Variants in CSTPP1 observed in about 807,000 individuals in gnomAD.
The protein encoded by CSTPP1 is centriolar satellite-associated tubulin polyglutamylase complex regulator 1.
At chr11:47,157,207 G>T in the CSTPP1 span, 1 of 1,586,628 alleles carries the variant, frequency 6.3e-7, no homozygotes, top group Non-Finnish European at 8.6e-7. Context: ...TGTGTGATCG[G>T]CACAAGTACA....
the CSTPP1 span, among the ~76,000 whole-genome samples, chr11:47,067,130 A>G: frequency 6.6e-6 from 1 of 152,170 alleles, no homozygotes; most frequent in Non-Finnish European, 1.5e-5. Flanking sequence ...TTCAAATACT[A>G]ATAGATTTGT....
chr11:47,052,218 A>G, the CSTPP1 span: 1 of 778,850 alleles, frequency 1.3e-6, no homozygotes, highest in Non-Finnish European at 1.9e-6. Flanking sequence ...GTATGGTTAT[A>G]TGAAGAGACT....
chr11:47,157,261 G>A, the CSTPP1 span: 2 of 1,518,948 alleles, frequency 1.3e-6, no homozygotes, highest in Middle Eastern at 2.3e-4. Flanking sequence ...AGCCCCAGGG[G>A]GTCGGACTGC....
chr11:46,945,020 T>C, the CSTPP1 span, among the ~76,000 whole-genome samples: 6 of 152,244 alleles, frequency 3.9e-5, no homozygotes, highest in Non-Finnish European at 7.4e-5. Flanking sequence ...CTAATCTTAA[T>C]TTTTTTTGTA....
At chr11:47,092,232 T>C in the CSTPP1 span, among the ~76,000 whole-genome samples, 1 of 152,204 alleles carries the variant, frequency 6.6e-6, no homozygotes, top group African/African-American at 2.4e-5. Flanking sequence ...CTATCCCATA[T>C]CCCAGCCTTT....
At chr11:47,130,249 CTG>C in the CSTPP1 span, among the ~76,000 whole-genome samples, 2 of 149,684 alleles carry the variant, frequency 1.3e-5, no homozygotes, top group Non-Finnish European at 1.5e-5. Flanking sequence ...GAGCAAGACT[CTG>C]TCTCAAAAAA....
the CSTPP1 span, among the ~76,000 whole-genome samples, chr11:46,999,850 G>T: frequency 2.0e-5 from 3 of 152,016 alleles, no homozygotes; most frequent in Non-Finnish European, 2.9e-5. Context: ...TCTTCTCTGG[G>T]TCTGCTTGCC....
chr11:47,036,242 T>TTATATATTATATAATATATAATA, the CSTPP1 span, among the ~76,000 whole-genome samples: 6 of 45,178 alleles, frequency 1.3e-4, no homozygotes, highest in African/African-American at 4.7e-4. Flanking sequence ...TATATTATAT[T>TTATATATTATATAATATATAATA]TATATATTAT....
At chr11:47,079,974 G>A in the CSTPP1 span, among the ~76,000 whole-genome samples, 1 of 152,012 alleles carries the variant, frequency 6.6e-6, no homozygotes, top group African/African-American at 2.4e-5. Context: ...GCACACACCT[G>A]TAATCCCAGC....
the CSTPP1 span, among the ~76,000 whole-genome samples, chr11:46,952,307 A>C: frequency 6.6e-6 from 1 of 152,244 alleles, no homozygotes; most frequent in South Asian, 2.1e-4. Flanking sequence ...AATCCAGGGC[A>C]AGGACCTTTT....
the CSTPP1 span, among the ~76,000 whole-genome samples, chr11:46,943,472 G>A: frequency 6.6e-6 from 1 of 152,180 alleles, no homozygotes; most frequent in Non-Finnish European, 1.5e-5. Flanking sequence ...CTGGAGTAAG[G>A]TCAAGTGATT....
the CSTPP1 span, among the ~76,000 whole-genome samples, chr11:47,050,993 A>G: frequency 6.6e-6 from 1 of 152,184 alleles, no homozygotes. Flanking sequence ...CTAAATGAAA[A>G]CACACTCTAT....
chr11:47,082,275 C>T, the CSTPP1 span, among the ~76,000 whole-genome samples: 90 of 144,310 alleles, frequency 6.2e-4, no homozygotes, highest in African/African-American at 2.1e-3. Flanking sequence ...ACCTGGAAGC[C>T]ATAAAAGAAA....
At chr11:47,161,044 C>T in the CSTPP1 span, 6 of 1,564,642 alleles carry the variant, frequency 3.8e-6, no homozygotes, top group Admixed American at 1.7e-5. Flanking sequence ...AACAGGCAGC[C>T]GTGAAGGTGA....
the CSTPP1 span, chr11:46,987,259 A>G: frequency 6.2e-7 from 1 of 1,614,226 alleles, no homozygotes; most frequent in Non-Finnish European, 8.5e-7. Context: ...CAGCTGCTAG[A>G]AAACAGGGAA....
the CSTPP1 span, among the ~76,000 whole-genome samples, chr11:47,144,160 C>T: frequency 1.3e-5 from 2 of 152,138 alleles, no homozygotes; most frequent in African/African-American, 2.4e-5. Context: ...AAACCATGAA[C>T]ACTGCTTACC....
chr11:47,158,122 C>A, the CSTPP1 span: 1 of 576,624 alleles, frequency 1.7e-6, no homozygotes, highest in Admixed American at 3.1e-5. Flanking sequence ...GGGGACAGCC[C>A]TCCCTGCCTG....
the CSTPP1 span, among the ~76,000 whole-genome samples, chr11:47,117,713 C>A: frequency 2.0e-5 from 3 of 152,066 alleles, no homozygotes; most frequent in Admixed American, 1.3e-4. Flanking sequence ...TGGATAACAT[C>A]CTGCAGAGTG....
chr11:47,071,302 A>G, the CSTPP1 span, among the ~76,000 whole-genome samples: 14 of 152,220 alleles, frequency 9.2e-5, no homozygotes, highest in African/African-American at 3.1e-4. Context: ...TTAGAGTCAA[A>G]TGGCCCTAGG....
Sources: gnomAD v4.1 joint callset for allele counts (sites outside exome capture counted in the v4.1 genomes callset) on GRCh38, gnomAD v4.1.1 for gene constraint, MANE v1.5 for transcripts, NCBI Gene and HGNC (gene_info 2026-07-23, HGNC 2026-07-21) for gene names.